Variants in ERC1 observed in about 807,000 individuals in gnomAD.
The protein encoded by ERC1 is ELKS/RAB6-interacting/CAST family member 1, also known as RAB6 interacting protein 2.
In ERC1, 56 loss-of-function variants were observed where a neutral mutation model predicts 132.0. That is an observed-to-expected ratio of 0.42 (90% CI 0.34 to 0.53). The LOEUF is 0.53. Ranked by LOEUF, ERC1 falls within the 20% of genes least tolerant of loss-of-function variation. The pLI, the probability that ERC1 is intolerant of heterozygous loss-of-function variation, is 0.03. For missense variants in ERC1, 1,202 were observed against 1,349.9 expected, an observed-to-expected ratio of 0.89 and a Z score of 1.72; for synonymous variants, 478 against 476.1, an observed-to-expected ratio of 1.00 and a Z score of -0.05.
In ERC1 at chr12:1,270,998, C is replaced by G. The variant is rs546731836; in HGVS notation, c.2619+7833C>G. Reference sequence around the variant, plus strand: ...GTATTTGTATTTTATTGGATACTTCCTTTTCTTTAAAAAAGTGATGCTTTT... The same window carrying G: ...GTATTTGTATTTTATTGGATACTTCGTTTTCTTTAAAAAAGTGATGCTTTT... On this transcript the variant is annotated intron_variant, in intron 14 of 18. Coordinates refer to ENST00000360905, the MANE Select transcript of ERC1 (RefSeq NM_178040.4). 8.6e-5 allele frequency among the ~76,000 whole-genome samples: 13 copies of G among 151,948 alleles called. 1 individual carries two copies. The South Asian group carries it at 2.7e-3, about 31-fold the overall frequency.
intron 18 of ERC1, among the ~76,000 whole-genome samples, chr12:1,485,483 G>T (rs572099895): frequency 6.6e-6 from 1 of 152,120 alleles, no homozygotes; most frequent in African/African-American, 2.4e-5. Context: ...GATTACAGGC[G>T]TGAGCCACTG....
intron 12 of ERC1, among the ~76,000 whole-genome samples, chr12:1,206,222 T>C (rs1279843835): frequency 1.3e-5 from 2 of 152,036 alleles, no homozygotes; most frequent in Non-Finnish European, 2.9e-5. Flanking sequence ...GATAGAAACA[T>C]TTTACCATTT....
chr12:1,226,428 G>T lies in ERC1; in HGVS notation c.2352-10341G>T, dbSNP rs192734409. 3.1e-4 allele frequency among the ~76,000 whole-genome samples: 47 copies of T among 152,266 alleles called. 1 individual carries two copies. The highest frequency in any genetic ancestry group is 4.3e-4 in the Non-Finnish European group (29 of 68,018). On this transcript the variant is annotated intron_variant, in intron 12 of 18. Transcript: ENST00000360905. Reference sequence around the variant, plus strand: ...ATAGTTACCACTTGTTGTGTGTGTTGTTAGAACCCTTAAGATCTGCTCTTA... The same window carrying T: ...ATAGTTACCACTTGTTGTGTGTGTTTTTAGAACCCTTAAGATCTGCTCTTA...
rs140137222 is a variant in ERC1, at chr12:1,023,584, G to A, written c.-156-4164G>A. Reference sequence around the variant, plus strand: ...AAAGGAGAAGTAAAAAAGTACTGGAGAAGTAGTGAATTTGGAGTCTTTGTT... The same window carrying A: ...AAAGGAGAAGTAAAAAAGTACTGGAAAAGTAGTGAATTTGGAGTCTTTGTT... On this transcript the variant is annotated intron_variant, in intron 1 of 18. Coordinates refer to ENST00000360905, the MANE Select transcript of ERC1 (RefSeq NM_178040.4). 3.9e-4 allele frequency among the ~76,000 whole-genome samples: 60 copies of A among 152,278 alleles called. 3 individuals carry two copies. Among genetic ancestry groups the A allele is most frequent in the Admixed American group, 3.9e-3 (59 of 15,292 alleles).
chr12:1,466,077 CTG>C (rs1230514973), intron 18 of ERC1, among the ~76,000 whole-genome samples: 1 of 152,210 alleles, frequency 6.6e-6, no homozygotes, highest in Non-Finnish European at 1.5e-5. Flanking sequence ...CACACCAACA[CTG>C]TATTACCTTG....
At position 1,183,263 on chromosome 12, in the gene ERC1, G is replaced by A. The variant is rs1411391633; in HGVS notation, c.2017-18G>A. On this transcript the variant is annotated intron_variant, in intron 10 of 18. Coordinates refer to ENST00000360905, the MANE Select transcript of ERC1 (RefSeq NM_178040.4). ...TTTTTTAAAATTATTTATTCTAGAT[G>A]TGTGTTCCTTCTTTTAGGCTTCACT... 2 of 1,501,418 alleles carry A rather than the reference G, an allele frequency of 1.3e-6. No individual in the cohort carries two copies. Among genetic ancestry groups the A allele is most frequent in the Non-Finnish European group, 1.8e-6 (2 of 1,111,542 alleles). 93.0% of individuals were successfully genotyped at this position (1,501,418 alleles called of 1,614,324 possible).
At chr12:1,485,314 T>C (rs931341830) in intron 18 of ERC1, among the ~76,000 whole-genome samples, 10 of 150,498 alleles carry the variant, frequency 6.6e-5, no homozygotes, top group East Asian at 1.9e-4. Flanking sequence ...AAGCAATTCT[T>C]CTGCCTCAGC....
At chr12:1,486,719 C>T (rs1338369296) in intron 18 of ERC1, among the ~76,000 whole-genome samples, 1 of 151,300 alleles carries the variant, frequency 6.6e-6, no homozygotes, top group African/African-American at 2.5e-5. Context: ...GCCACCGCAC[C>T]CGGCTGTGAA....
At chr12:1,072,435 G>A (rs1940560460) in intron 2 of ERC1, among the ~76,000 whole-genome samples, 1 of 151,708 alleles carries the variant, frequency 6.6e-6, no homozygotes, top group Admixed American at 6.6e-5. Context: ...GCCTTTCTCT[G>A]CATTAATTTC....
Position 1,495,544 on chromosome 12 carries a change from GCCTGCTGGC to G in ERC1, c.*5317_*5325del, listed in dbSNP as rs2094350219. ...CCTGAGGGCAGCACCACCCACTCTG[GCCTGCTGGC>G]CCATCGCAGGACTAGCCCAGGCACC... On this transcript the variant is annotated 3_prime_UTR_variant, in exon 19 of 19. Coordinates refer to ENST00000360905, the MANE Select transcript of ERC1 (RefSeq NM_178040.4). The G allele has an allele frequency of 3.9e-5, 9 of 229,170 alleles. No individual in the cohort carries two copies. In the East Asian group the frequency reaches 5.6e-4, roughly 14 times the overall value. The allele number at this position is 229,170 out of a possible 1,614,324, so 14.2% of individuals were successfully genotyped here. A position where few individuals can be genotyped will look rare whatever the true frequency, so the allele number is the denominator to read the frequency against.
At chr12:1,414,127 G>A (rs2091989561) in intron 17 of ERC1, among the ~76,000 whole-genome samples, 1 of 152,326 alleles carries the variant, frequency 6.6e-6, no homozygotes, top group South Asian at 2.1e-4. Flanking sequence ...TCGCTTGCCC[G>A]CCACTCCTCT....
chr12:1,009,698 A>G (rs1041559478), intron 1 of ERC1, among the ~76,000 whole-genome samples: 3 of 152,214 alleles, frequency 2.0e-5, no homozygotes, highest in Non-Finnish European at 4.4e-5. Flanking sequence ...AAAAAGAAAC[A>G]TAATTTAGTT....
At chr12:1,051,134 C>T (rs1971883160) in intron 2 of ERC1, among the ~76,000 whole-genome samples, 1 of 152,160 alleles carries the variant, frequency 6.6e-6, no homozygotes, top group African/African-American at 2.4e-5. Flanking sequence ...CAAAAAGTTT[C>T]ACTTAGATTG....
intron 1 of ERC1, among the ~76,000 whole-genome samples, chr12:994,503 A>G (rs1960384193): frequency 6.6e-6 from 1 of 152,166 alleles, no homozygotes; most frequent in African/African-American, 2.4e-5. Context: ...CTTAACCTGT[A>G]CCTTAATTTC....
chr12:1,113,078 T>C (rs1946064418), intron 6 of ERC1, among the ~76,000 whole-genome samples: 1 of 152,172 alleles, frequency 6.6e-6, no homozygotes, highest in South Asian at 2.1e-4. Flanking sequence ...ATTGTAAATA[T>C]TTACATTGTA....
intron 12 of ERC1, among the ~76,000 whole-genome samples, chr12:1,191,801 T>C (rs1354828011): frequency 1.3e-5 from 2 of 151,994 alleles, no homozygotes; most frequent in Non-Finnish European, 1.5e-5. Context: ...CCTCTGGCCC[T>C]ATTGCATTAT....
intron 15 of ERC1, among the ~76,000 whole-genome samples, chr12:1,341,375 C>T (rs113229167): frequency 1.1e-4 from 16 of 152,026 alleles, no homozygotes; most frequent in East Asian, 7.7e-4. Context: ...ATGTTTATTT[C>T]GGCACTATTC....
At chr12:1,162,853 C>T (rs961489371) in intron 8 of ERC1, among the ~76,000 whole-genome samples, 2 of 152,082 alleles carry the variant, frequency 1.3e-5, no homozygotes, top group South Asian at 2.1e-4. Flanking sequence ...TTGAACTTTA[C>T]GTCTGAAACA....
In ERC1 at chr12:1,135,398, A is replaced by G. The variant is rs1949150749; in HGVS notation, c.1570-6222A>G. 3.3e-5 allele frequency among the ~76,000 whole-genome samples: 5 copies of G among 152,154 alleles called. No individual in the cohort carries two copies. In the South Asian group the frequency reaches 1.0e-3, roughly 32 times the overall value. ...TACACTTCTGTATATGCTTATATGC[A>G]TGCTGATCTATGAATTTGAAAAGAA... On this transcript the variant is annotated intron_variant, in intron 7 of 18. Coordinates refer to ENST00000360905, the MANE Select transcript of ERC1 (RefSeq NM_178040.4).
Sources: gnomAD v4.1 joint callset for allele counts (sites outside exome capture counted in the v4.1 genomes callset) on GRCh38, gnomAD v4.1.1 for gene constraint, MANE v1.5 for transcripts, NCBI Gene and HGNC (gene_info 2026-07-23, HGNC 2026-07-21) for gene names.